SNX24: variants seen among roughly 807,000 people sequenced by gnomAD.
SNX24 encodes sorting nexin 24, also known as sorting nexin-24.
In SNX24, 22 loss-of-function variants were observed where a neutral mutation model predicts 28.7. The observed-to-expected ratio is 0.77, with a 90% CI of 0.55 to 1.10. The LOEUF (loss-of-function observed/expected upper bound fraction) is 1.10. Ranked by LOEUF, SNX24 falls within the 50% of genes least tolerant of loss-of-function variation. SNX24 has a pLI of 0.00. For missense variants in SNX24, 221 were observed against 201.1 expected (o/e 1.10, Z -0.60); for synonymous variants, 69 against 71.5 (o/e 0.96, Z 0.18).
At chr5:123,029,171 A>T (rs2150189599) in intron 5 of SNX24, 1 of 1,506,398 alleles carries the variant, frequency 6.6e-7, no homozygotes, top group Non-Finnish European at 9.0e-7. Flanking sequence ...ATACATATTT[A>T]ATTGGAAAAT....
At chr5:122,889,658 T>A (rs1006089927) in intron 1 of SNX24, among the ~76,000 whole-genome samples, 1 of 147,062 alleles carries the variant, frequency 6.8e-6, no homozygotes, top group Admixed American at 6.8e-5. Context: ...TATGTATATA[T>A]ATGTGTATAT....
At chr5:122,992,497 T>C (rs758631869) in intron 3 of SNX24, among the ~76,000 whole-genome samples, 1 of 152,180 alleles carries the variant, frequency 6.6e-6, no homozygotes, top group African/African-American at 2.4e-5. Context: ...AATGTCATGC[T>C]TCTACTTTCC....
downstream of SNX24, among the ~76,000 whole-genome samples, chr5:123,013,289 C>A (rs1432851430): frequency 6.6e-6 from 1 of 152,114 alleles, no homozygotes; most frequent in East Asian, 1.9e-4. Context: ...GAATTGTTGG[C>A]CATTTACTAG....
At chr5:122,885,729 G>A (rs979922350) in intron 1 of SNX24, among the ~76,000 whole-genome samples, 1 of 152,124 alleles carries the variant, frequency 6.6e-6, no homozygotes, top group East Asian at 1.9e-4. Context: ...TAAGGATGGA[G>A]GTTTGGAGGA....
intron 1 of SNX24, among the ~76,000 whole-genome samples, chr5:122,899,306 G>A (rs1757332055): frequency 6.6e-6 from 1 of 152,162 alleles, no homozygotes. Context: ...TAGCTTGAGT[G>A]AACATGTCTT....
chr5:122,848,427 G>T (rs1181407614), intron 1 of SNX24, among the ~76,000 whole-genome samples: 1 of 151,924 alleles, frequency 6.6e-6, no homozygotes, highest in African/African-American at 2.4e-5. Context: ...AAACGGCCGG[G>T]GCGTGGTGGC....
At chr5:122,988,734 C>T (rs1761706521) in intron 3 of SNX24, among the ~76,000 whole-genome samples, 1 of 152,126 alleles carries the variant, frequency 6.6e-6, no homozygotes, top group Non-Finnish European at 1.5e-5. Context: ...AATCAGCTTA[C>T]ATTTTTCTTT....
intron 1 of SNX24, among the ~76,000 whole-genome samples, chr5:122,883,291 C>T (rs1756560768): frequency 6.6e-6 from 1 of 152,162 alleles, no homozygotes; most frequent in South Asian, 2.1e-4. Context: ...GGCACTTCTA[C>T]TAAAGCCAAA....
chr5:123,013,469 TAGC>T (rs1439485805), downstream of SNX24, among the ~76,000 whole-genome samples: 2 of 152,246 alleles, frequency 1.3e-5, no homozygotes, highest in African/African-American at 4.8e-5. Context: ...CACAGGGAAG[TAGC>T]AGGCAGTAAC....
intron 3 of SNX24, among the ~76,000 whole-genome samples, chr5:122,991,966 A>G (rs1761870089): frequency 6.6e-6 from 1 of 152,254 alleles, no homozygotes; most frequent in Admixed American, 6.5e-5. Flanking sequence ...TATAAATATA[A>G]TAGAAAAATA....
At chr5:122,851,075 A>G (rs1754896186) in intron 1 of SNX24, among the ~76,000 whole-genome samples, 1 of 152,196 alleles carries the variant, frequency 6.6e-6, no homozygotes, top group Admixed American at 6.5e-5. Flanking sequence ...TTTGAATTTT[A>G]AGATACATTG....
intron 2 of SNX24, among the ~76,000 whole-genome samples, chr5:122,940,805 T>G (rs1304291273): frequency 6.6e-6 from 1 of 152,228 alleles, no homozygotes; most frequent in East Asian, 1.9e-4. Flanking sequence ...ACTCTTGACC[T>G]CAGGACATCC....
downstream of SNX24, among the ~76,000 whole-genome samples, chr5:123,012,663 T>C (rs1399493569): frequency 6.6e-6 from 1 of 152,234 alleles, no homozygotes; most frequent in African/African-American, 2.4e-5. Flanking sequence ...ATGTCATGTA[T>C]ATTTTACCAC....
intron 1 of SNX24, among the ~76,000 whole-genome samples, chr5:122,883,798 C>T (rs771610406): frequency 6.6e-6 from 1 of 152,036 alleles, no homozygotes; most frequent in Non-Finnish European, 1.5e-5. Flanking sequence ...TGCAGGCACG[C>T]ATGCGCCACC....
chr5:122,845,907 T>G (rs567157258), intron 1 of SNX24, among the ~76,000 whole-genome samples: 4 of 147,366 alleles, frequency 2.7e-5, no homozygotes, highest in Non-Finnish European at 6.0e-5. Context: ...CCCTAGCCCC[T>G]CGGGGTCCAA....
rs992255918 is a variant in SNX24, at chr5:123,008,354, A to G, written c.*605A>G. The G allele has an allele frequency of 8.4e-6, 8 of 954,894 alleles. No individual in the cohort carries two copies. Among genetic ancestry groups the G allele is most frequent in the African/African-American group, 1.8e-5 (1 of 56,594 alleles). The allele number at this position is 954,894 out of a possible 1,614,324, so 59.2% of individuals were successfully genotyped here. ...ATTTACATTAGAGTGGAGTTGCATC[A>G]TACTCAGGGGTTAGCTTCCAAGGTC... On this transcript the variant is annotated 3_prime_UTR_variant, in exon 7 of 7. Transcript: ENST00000261369.
chr5:122,917,708 T>A (rs928820819), intron 1 of SNX24, among the ~76,000 whole-genome samples: 6 of 152,196 alleles, frequency 3.9e-5, no homozygotes, highest in Non-Finnish European at 8.8e-5. Flanking sequence ...TCTTCACCTG[T>A]CAACTAAGTA....
intron 1 of SNX24, among the ~76,000 whole-genome samples, chr5:122,853,423 G>A (rs773013385): frequency 2.6e-5 from 4 of 152,100 alleles, no homozygotes; most frequent in Non-Finnish European, 4.4e-5. Context: ...CACCGCGCCC[G>A]GCGGTATGTT....
At chr5:122,887,936 A>G (rs575946171) in intron 1 of SNX24, among the ~76,000 whole-genome samples, 30 of 152,184 alleles carry the variant, frequency 2.0e-4, no homozygotes, top group Non-Finnish European at 3.4e-4. Flanking sequence ...TCCTGACCTC[A>G]GGTGATCCAC....
Sources: gnomAD v4.1 joint callset for allele counts (sites outside exome capture counted in the v4.1 genomes callset) on GRCh38, gnomAD v4.1.1 for gene constraint, MANE v1.5 for transcripts, NCBI Gene and HGNC (gene_info 2026-07-23, HGNC 2026-07-21) for gene names.